Variants in AFF3 observed in about 807,000 individuals in gnomAD.
AFF3 encodes ALF transcription elongation factor 3.
AFF3 carries 32 observed loss-of-function variants against 129.7 expected under a neutral mutation model. That is an observed-to-expected ratio of 0.25 (90% confidence interval 0.19 to 0.33). AFF3 has a LOEUF of 0.33. AFF3 is among the 10% of genes least tolerant of loss of function. The pLI is 1.00. For synonymous variants in AFF3, 644 were observed against 635.4 expected, an observed-to-expected ratio of 1.01 and a Z score of -0.20; for missense variants, 1,373 against 1,592.0, an observed-to-expected ratio of 0.86 and a Z score of 2.34.
At chr2:99,587,318 C>T in intron 15 of AFF3, 40 bp from the exon 16 acceptor site, 1 of 1,611,620 alleles carries the variant, frequency 6.2e-7, no homozygotes, top group Non-Finnish European at 8.5e-7. Flanking sequence ...CACTGGATTT[C>T]AAGAGGTATT....
intron 7 of AFF3, among the ~76,000 whole-genome samples, chr2:99,872,599 T>TAAAAA (rs1360480808): frequency 2.2e-5 from 2 of 91,650 alleles, no homozygotes; most frequent in Non-Finnish European, 4.4e-5. Context: ...CTTACAAAAA[T>TAAAAA]AAAATAAAAT....
At chr2:99,821,469 T>TA (rs869250409) in intron 8 of AFF3, among the ~76,000 whole-genome samples, 35 of 103,776 alleles carry the variant, frequency 3.4e-4, no homozygotes, top group African/African-American at 7.4e-4. Context: ...GCTGATGAGC[T>TA]AAAAAAAAGA....
intron 4 of AFF3, among the ~76,000 whole-genome samples, chr2:100,021,822 C>T (rs184176178): frequency 2.7e-4 from 41 of 152,198 alleles, no homozygotes; most frequent in Admixed American, 1.3e-3. Flanking sequence ...GTATTAGAAT[C>T]GGGATTCTAA....
intron 7 of AFF3, among the ~76,000 whole-genome samples, chr2:99,855,094 T>C (rs957875623): frequency 6.6e-6 from 1 of 152,080 alleles, no homozygotes; most frequent in African/African-American, 2.4e-5. Context: ...GTTACGAAAA[T>C]ATTTCCTAAA....
intron 8 of AFF3, among the ~76,000 whole-genome samples, chr2:99,821,425 G>C (rs912098579): frequency 6.6e-6 from 1 of 151,854 alleles, no homozygotes; most frequent in Non-Finnish European, 1.5e-5. Context: ...AAATTGTCTT[G>C]GGTCACATAT....
chr2:100,091,298 A>AG (rs1228637838), intron 4 of AFF3, among the ~76,000 whole-genome samples: 1 of 152,250 alleles, frequency 6.6e-6, no homozygotes, highest in Non-Finnish European at 1.5e-5. Flanking sequence ...CAACACCCTG[A>AG]GGCCAGCTGG....
chr2:99,850,468 G>T (rs1408360362), intron 7 of AFF3, among the ~76,000 whole-genome samples: 1 of 152,206 alleles, frequency 6.6e-6, no homozygotes, highest in East Asian at 1.9e-4. Flanking sequence ...CTCATTCTGG[G>T]TCATTCCAGA....
chr2:100,086,742 C>G (rs1689465873), intron 4 of AFF3, among the ~76,000 whole-genome samples: 1 of 152,098 alleles, frequency 6.6e-6, no homozygotes, highest in South Asian at 2.1e-4. Context: ...CAATGCCTGG[C>G]TACTAAACCT....
intron 11 of AFF3, among the ~76,000 whole-genome samples, chr2:99,706,783 A>G (rs1575752073): frequency 6.6e-6 from 1 of 152,202 alleles, no homozygotes; most frequent in African/African-American, 2.4e-5. Flanking sequence ...CAGAAATGAG[A>G]GTCTCGCATA....
chr2:100,064,095 A>AAAAAGAAAAG lies in AFF3; in HGVS notation c.53+40297_53+40306dup, dbSNP rs5832894. On this transcript the variant is annotated intron_variant, in intron 4 of 24. Coordinates refer to ENST00000672756, the MANE Select transcript of AFF3 (RefSeq NM_001386135.1). ...CAAGAACAAAACTCCGTCTCAAAAAAAAAAGAAAAGAAAAGAAAAGAAAAG... is the reference window on the plus strand; with the variant it reads ...CAAGAACAAAACTCCGTCTCAAAAAAAAAAGAAAAGAAAAGAAAAGAAAAGAAAAGAAAAG... 6.8e-5 allele frequency among the ~76,000 whole-genome samples: 10 copies of AAAAAGAAAAG among 146,966 alleles called. No individual in the cohort carries two copies. In the East Asian group the frequency reaches 7.9e-4, roughly 12 times the overall value.
At chr2:100,067,118 T>C (rs1016608413) in intron 4 of AFF3, among the ~76,000 whole-genome samples, 2 of 151,334 alleles carry the variant, frequency 1.3e-5, no homozygotes, top group Admixed American at 1.3e-4. Flanking sequence ...TAAACCATCT[T>C]ACCCATAATT....
chr2:100,083,483 C>T (rs993791176), intron 4 of AFF3, among the ~76,000 whole-genome samples: 17 of 152,188 alleles, frequency 1.1e-4, no homozygotes, highest in Admixed American at 1.3e-4. Flanking sequence ...GCACTTCTGC[C>T]TGGCACAACG....
intron 8 of AFF3, among the ~76,000 whole-genome samples, chr2:99,812,447 C>T (rs1283292290): frequency 6.6e-6 from 1 of 152,176 alleles, no homozygotes; most frequent in Non-Finnish European, 1.5e-5. Flanking sequence ...GTACCTGATG[C>T]AGCAGCCTCT....
intron 8 of AFF3, among the ~76,000 whole-genome samples, chr2:99,835,686 C>A (rs1016227753): frequency 6.6e-6 from 1 of 152,190 alleles, no homozygotes; most frequent in South Asian, 2.1e-4. Context: ...CTGACTGCTG[C>A]TCATAGGCTA....
intron 8 of AFF3, among the ~76,000 whole-genome samples, chr2:99,782,358 G>A (rs183055674): frequency 1.7e-4 from 26 of 152,284 alleles, no homozygotes; most frequent in South Asian, 4.1e-4. Flanking sequence ...ATGAGAGAGA[G>A]TAGAAGGAAC....
intron 7 of AFF3, among the ~76,000 whole-genome samples, chr2:99,918,702 G>A (rs1695651161): frequency 6.6e-6 from 1 of 152,178 alleles, no homozygotes; most frequent in Non-Finnish European, 1.5e-5. Flanking sequence ...TGGTAATTAA[G>A]TGAAGTATGA....
At chr2:100,105,464 C>A (rs1267197844) in intron 3 of AFF3, 40 bp downstream of exon 3, 2 of 1,323,948 alleles carry the variant, frequency 1.5e-6, no homozygotes, top group Admixed American at 2.3e-5. Context: ...CTCTAGCTGG[C>A]CAGCCCTGGA....
chr2:100,093,074 T>A (rs1689990120), intron 4 of AFF3, among the ~76,000 whole-genome samples: 2 of 152,334 alleles, frequency 1.3e-5, no homozygotes, highest in South Asian at 4.1e-4. Flanking sequence ...CGGATTGCGT[T>A]ACATTATTAT....
At chr2:100,084,316 T>C (rs1420335054) in intron 4 of AFF3, among the ~76,000 whole-genome samples, 3 of 152,244 alleles carry the variant, frequency 2.0e-5, no homozygotes, top group Non-Finnish European at 4.4e-5. Flanking sequence ...TTTACGCATA[T>C]TAGCTCATTT....
Sources: allele counts gnomAD v4.1 joint callset (sites outside exome capture counted in the v4.1 genomes callset), GRCh38; gene constraint gnomAD v4.1.1; transcripts MANE v1.5; gene names NCBI Gene and HGNC (gene_info 2026-07-23, HGNC 2026-07-21).